Variants in CACNA1A observed in about 807,000 individuals in gnomAD.
The protein encoded by CACNA1A is calcium voltage-gated channel subunit alpha1 A.
Under a neutral mutation model 262.4 loss-of-function variants are expected in CACNA1A, and 57 were observed. The ratio of observed to expected loss-of-function variants is 0.22; its 90% CI spans 0.18 to 0.27. CACNA1A has a LOEUF of 0.27. CACNA1A is among the 10% of genes least tolerant of loss of function. The probability of loss-of-function intolerance (pLI) is 1.00; values close to 1 mark genes in which losing one functional copy is unlikely to be tolerated. For missense variants in CACNA1A, 2,526 were observed against 3,562.8 expected, an observed-to-expected ratio of 0.71 and a Z score of 7.41; for synonymous variants, 1,431 against 1,419.3, an observed-to-expected ratio of 1.01 and a Z score of -0.18.
chr19:13,464,543 A>ATTTTTTTTTTTTTTT (rs540418372), intron 1 of CACNA1A, among the ~76,000 whole-genome samples: 41 of 128,942 alleles, frequency 3.2e-4, no homozygotes, highest in African/African-American at 6.2e-4. Context: ...AACTTTTCCA[A>ATTTTTTTTTTTTTTT]TTTTTTTTTT....
rs185537001 is a variant in CACNA1A, at chr19:13,250,686, G to A, written c.4866+2305C>T. ...GTTGGGATTACAGGTGTGAGCCACC[G>A]CACTCAGCCAACTATACTTTTGTGT... On this transcript the variant is annotated intron_variant, in intron 30 of 46. Coordinates refer to ENST00000360228, the MANE Select transcript of CACNA1A (RefSeq NM_001127222.2). Among the ~76,000 whole-genome samples the A allele has an allele frequency of 5.9e-5, 9 of 152,194 alleles. No homozygotes were observed. In the South Asian group the frequency reaches 1.2e-3, roughly 21 times the overall value.
At chr19:13,441,419 C>A (rs767939023) in intron 3 of CACNA1A, among the ~76,000 whole-genome samples, 2 of 152,102 alleles carry the variant, frequency 1.3e-5, no homozygotes, top group Non-Finnish European at 2.9e-5. Flanking sequence ...GCAATCCCAG[C>A]ACTTTGAGAG....
At chr19:13,420,549 T>C (rs974624244) in intron 3 of CACNA1A, among the ~76,000 whole-genome samples, 5 of 152,024 alleles carry the variant, frequency 3.3e-5, no homozygotes, top group Non-Finnish European at 5.9e-5. Context: ...TTGAAGTGGA[T>C]GCCAGACAAA....
intron 37 of CACNA1A, chr19:13,225,338 G>C (rs976103496): frequency 6.5e-6 from 1 of 154,886 alleles, no homozygotes; most frequent in Non-Finnish European, 1.4e-5. Flanking sequence ...GGCATGCAGC[G>C]AGGCTGTGAC....
intron 36 of CACNA1A, among the ~76,000 whole-genome samples, chr19:13,228,116 C>T (rs866764254): frequency 6.6e-6 from 1 of 151,912 alleles, no homozygotes; most frequent in Non-Finnish European, 1.5e-5. Context: ...CTATGTTGCC[C>T]AGGCTGGTCT....
chr19:13,395,652 G>T (rs977645328), intron 3 of CACNA1A, among the ~76,000 whole-genome samples: 1 of 151,830 alleles, frequency 6.6e-6, no homozygotes. Flanking sequence ...TCTAACTTAC[G>T]TTATTTGACC....
At chr19:13,334,542 G>A in intron 7 of CACNA1A, 49 bp from the exon 8 acceptor site, 1 of 940,410 alleles carries the variant, frequency 1.1e-6, no homozygotes, top group Non-Finnish European at 1.7e-6. Context: ...AAAATGTTAG[G>A]AAACGTTTGT....
chr19:13,469,449 T>A (rs1447047999), intron 1 of CACNA1A, among the ~76,000 whole-genome samples: 1 of 147,920 alleles, frequency 6.8e-6, no homozygotes, highest in African/African-American at 2.5e-5. Context: ...CATCCTTGTC[T>A]TGAACCACCT....
intron 6 of CACNA1A, among the ~76,000 whole-genome samples, chr19:13,352,985 C>A (rs573594748): frequency 2.0e-5 from 3 of 152,146 alleles, no homozygotes; most frequent in Admixed American, 1.3e-4. Context: ...GTTGGCCAGG[C>A]TGGTCTCAAA....
intron 19 of CACNA1A, among the ~76,000 whole-genome samples, chr19:13,291,031 A>G (rs1430116000): frequency 6.6e-6 from 1 of 152,098 alleles, no homozygotes; most frequent in African/African-American, 2.4e-5. Context: ...CCTAATATCA[A>G]TTTCCGGGAG....
At chr19:13,295,063 A>G (rs958775078) in intron 19 of CACNA1A, among the ~76,000 whole-genome samples, 39 of 152,320 alleles carry the variant, frequency 2.6e-4, no homozygotes, top group African/African-American at 9.1e-4. Flanking sequence ...ACCTGCCCTG[A>G]GACCCTGGGA....
At chr19:13,211,132 C>G (rs2144516803) in intron 43 of CACNA1A, 1 of 172,784 alleles carries the variant, frequency 5.8e-6, no homozygotes, top group South Asian at 1.3e-4. Flanking sequence ...TGCTCCCCAA[C>G]CCACGTTCCC....
rs1328309669 is a variant in CACNA1A, at chr19:13,207,861, G to C, written c.6973C>G (p.Gln2325Glu). 5.3e-5 allele frequency: 7 copies of C among 131,036 alleles called. No homozygotes were observed. The highest frequency in any genetic ancestry group is 9.2e-4 in the African/African-American group (1 of 1,084). The allele number at this position is 131,036 out of a possible 1,614,324, so 8.1% of individuals were successfully genotyped here. ...GCCCGGCCCGGCCTGGCCACCGCCT[G>C]CTGCTGCTGCTGCTGCTGCTGCTGC... is the stretch of plus-strand genomic sequence containing the variant. ...QQQQQQQQQQ[Q>E]AVARPGRAAT... Residue 2325 changes from glutamine to glutamate, a missense_variant, in exon 47 of 47, where the codon CAG (glutamine) becomes GAG (glutamate). This residue lies in a region of CACNA1A where 929 missense variants were observed against 868.1 expected (regional missense o/e 1.07). Transcript: ENST00000360228. The surrounding 1 kb of genome is among the most constrained non-coding windows in gnomAD (Gnocchi z 5.7).
intron 6 of CACNA1A, among the ~76,000 whole-genome samples, chr19:13,354,920 G>C (rs2058982619): frequency 1.4e-5 from 2 of 142,568 alleles, no homozygotes; most frequent in African/African-American, 2.7e-5. Flanking sequence ...TGTCACCCAG[G>C]CTGGAGTGCA....
At chr19:13,442,901 G>A (rs755520781) in intron 3 of CACNA1A, among the ~76,000 whole-genome samples, 4 of 152,168 alleles carry the variant, frequency 2.6e-5, no homozygotes, top group Non-Finnish European at 4.4e-5. Flanking sequence ...TGGCAAACTT[G>A]ACCTTAGAGA....
intron 3 of CACNA1A, among the ~76,000 whole-genome samples, chr19:13,393,041 T>A (rs2059738330): frequency 6.6e-6 from 1 of 152,190 alleles, no homozygotes; most frequent in African/African-American, 2.4e-5. Flanking sequence ...AGTGCTGGGA[T>A]TACAGGCATG....
chr19:13,456,638 C>A (rs1425302400), intron 1 of CACNA1A, among the ~76,000 whole-genome samples: 1 of 152,186 alleles, frequency 6.6e-6, no homozygotes, highest in Non-Finnish European at 1.5e-5. Context: ...CGTGCCACTG[C>A]ACTCCAGCCT....
intron 29 of CACNA1A, 58 bp downstream of exon 29, chr19:13,255,037 T>C: frequency 6.4e-7 from 1 of 1,563,726 alleles, no homozygotes; most frequent in Non-Finnish European, 8.8e-7. Flanking sequence ...TTTATCAGGG[T>C]AGAGGCAGGA....
chr19:13,308,584 G>T lies in CACNA1A; in HGVS notation c.1669-56C>A, dbSNP rs1333675814. The T allele has an allele frequency of 3.5e-6, 4 of 1,152,582 alleles. No individual in the cohort carries two copies. The highest frequency in any genetic ancestry group is 4.8e-5 in the East Asian group (2 of 41,396). The allele number at this position is 1,152,582 out of a possible 1,614,324, so 71.4% of individuals were successfully genotyped here. A position where few individuals can be genotyped will look rare whatever the true frequency, so the allele number is the denominator to read the frequency against. ...GGACAGTGTCTGGGCTCCAGAACTG[G>T]CAAGCATTTCCTAGGTACCAACCTT... is the stretch of plus-strand genomic sequence containing the variant. On this transcript the variant is annotated intron_variant, in intron 12 of 46. Transcript: ENST00000360228. The surrounding 1 kb of genome is among the most constrained non-coding windows in gnomAD (Gnocchi z 4.2).
Sources: allele counts gnomAD v4.1 joint callset (sites outside exome capture counted in the v4.1 genomes callset), GRCh38; gene constraint gnomAD v4.1.1; regional missense constraint gnomAD v4.1.1; non-coding constraint Gnocchi (gnomAD v3.1); transcripts MANE v1.5; gene names NCBI Gene and HGNC (gene_info 2026-07-23, HGNC 2026-07-21).